Variants in DPH6 observed in about 807,000 individuals in gnomAD.
DPH6 encodes diphthine--ammonia ligase.
DPH6 carries 33 observed loss-of-function variants against 38.2 expected under a neutral mutation model. The observed-to-expected ratio is 0.86, with a 90% CI of 0.65 to 1.15. DPH6 has a LOEUF of 1.15. Among genes scored for constraint, DPH6 ranks in the 50% most tolerant of loss-of-function variants. The pLI, the probability that DPH6 is intolerant of heterozygous loss-of-function variation, is 0.00. For missense variants in DPH6, 325 were observed against 320.0 expected (o/e 1.02, Z -0.12); for synonymous variants, 108 against 103.0 (o/e 1.05, Z -0.30).
chr15:35,399,097 C>T (rs57701775), intron 6 of DPH6, among the ~76,000 whole-genome samples: 3,694 of 152,184 alleles, frequency 0.024, 69 homozygotes, highest in African/African-American at 0.051. Flanking sequence ...TACAAGAAAT[C>T]TGAGGAACAT....
At chr15:35,380,358 T>C (rs1365649991) in intron 7 of DPH6, among the ~76,000 whole-genome samples, 2 of 152,178 alleles carry the variant, frequency 1.3e-5, no homozygotes, top group Admixed American at 6.5e-5. Flanking sequence ...AATGAGGAGG[T>C]TGAAAAGGAT....
chr15:35,359,507 G>C (rs2052595598), intron 3 of DPH6, among the ~76,000 whole-genome samples: 1 of 152,180 alleles, frequency 6.6e-6, no homozygotes, highest in Non-Finnish European at 1.5e-5. Flanking sequence ...TGCCAGGCAG[G>C]AATGGCCTGC....
At chr15:35,387,109 C>T (rs1327117869) in intron 6 of DPH6, among the ~76,000 whole-genome samples, 2 of 152,160 alleles carry the variant, frequency 1.3e-5, no homozygotes, top group African/African-American at 2.4e-5. Flanking sequence ...ATCCTTTCCC[C>T]ATTGCTTGTT....
chr15:35,435,190 G>C (rs902675874), intron 5 of DPH6, among the ~76,000 whole-genome samples: 1 of 152,102 alleles, frequency 6.6e-6, no homozygotes, highest in African/African-American at 2.4e-5. Context: ...ATACACCTGG[G>C]TGCTGCATAA....
intron 3 of DPH6, among the ~76,000 whole-genome samples, chr15:35,338,930 G>A (rs1482380917): frequency 6.6e-6 from 1 of 151,940 alleles, no homozygotes. Context: ...ACTATCACAA[G>A]GACAAAAAAC....
At chr15:35,542,965 T>TATATATATATATATATATATATATAAAA (rs58422347) in intron 1 of DPH6, among the ~76,000 whole-genome samples, 4 of 76,170 alleles carry the variant, frequency 5.3e-5, no homozygotes, top group Non-Finnish European at 7.8e-5. Flanking sequence ...TATATATATA[T>TATATATATATATATATATATATATAAAA]AAAATAATTT....
the DPH6 span, among the ~76,000 whole-genome samples, chr15:35,161,147 A>T: frequency 3.5e-4 from 53 of 151,934 alleles, no homozygotes; most frequent in Middle Eastern, 3.4e-3. Context: ...TAATAATAAT[A>T]AAAAAAACAC....
intron 3 of DPH6, among the ~76,000 whole-genome samples, chr15:35,316,956 C>A (rs1464796168): frequency 6.6e-6 from 1 of 152,092 alleles, no homozygotes; most frequent in Non-Finnish European, 1.5e-5. Context: ...GAATTTTATA[C>A]CCAGCAAAAA....
the DPH6 span, among the ~76,000 whole-genome samples, chr15:35,159,185 G>T: frequency 6.6e-6 from 1 of 151,972 alleles, no homozygotes; most frequent in African/African-American, 2.4e-5. Flanking sequence ...AATCAGAAAA[G>T]AATTACTTTA....
At chr15:35,436,823 C>A (rs930265927) in intron 5 of DPH6, among the ~76,000 whole-genome samples, 1 of 150,920 alleles carries the variant, frequency 6.6e-6, no homozygotes, top group East Asian at 1.9e-4. Flanking sequence ...TTTTCTCCCC[C>A]TTTTAGAGGA....
the DPH6 span, among the ~76,000 whole-genome samples, chr15:35,146,306 G>T: frequency 6.6e-6 from 1 of 152,112 alleles, no homozygotes; most frequent in Non-Finnish European, 1.5e-5. Flanking sequence ...ACCACAGAAT[G>T]TATTTTAAAA....
At chr15:35,297,591 TG>T (rs2140795848) in intron 3 of DPH6, among the ~76,000 whole-genome samples, 1 of 152,250 alleles carries the variant, frequency 6.6e-6, no homozygotes, top group East Asian at 1.9e-4. Flanking sequence ...CTATAGGACT[TG>T]ATCTCTCTCC....
chr15:35,330,014 G>A (rs1027167622), downstream of DPH6, among the ~76,000 whole-genome samples: 3 of 152,048 alleles, frequency 2.0e-5, no homozygotes, highest in Admixed American at 6.6e-5. Context: ...AAATACTAGA[G>A]AATTTTTGCA....
At chr15:35,400,536 A>C (rs1416987330) in intron 6 of DPH6, among the ~76,000 whole-genome samples, 2 of 152,218 alleles carry the variant, frequency 1.3e-5, no homozygotes, top group Non-Finnish European at 2.9e-5. Flanking sequence ...GGTAAATATC[A>C]AAAACAACAT....
chr15:35,405,967 A>C (rs2053286841), intron 6 of DPH6, among the ~76,000 whole-genome samples: 1 of 152,028 alleles, frequency 6.6e-6, no homozygotes, highest in Non-Finnish European at 1.5e-5. Context: ...GCTTGGTGTC[A>C]CTGGAAGACT....
intron 3 of DPH6, among the ~76,000 whole-genome samples, chr15:35,233,076 G>A (rs1241538112): frequency 3.9e-5 from 6 of 152,144 alleles, no homozygotes; most frequent in African/African-American, 9.7e-5. Context: ...GGGAGGCTGC[G>A]GTGGGGGGAT....
chr15:35,352,397 A>G lies in DPH6; in HGVS notation n.207+21124T>C, dbSNP rs909231481. On this transcript the variant is annotated intron_variant and non_coding_transcript_variant, in intron 3 of 3. Coordinates refer to the DPH6 transcript ENST00000558973. ...TGCACCCATTAACTCGACCTTTAAC[A>G]TTAGGTATATCTCCTAATGCTATCC... Among the ~76,000 whole-genome samples, 6 of 152,182 alleles carry G rather than the reference A, an allele frequency of 3.9e-5. No individual in the cohort carries two copies. In the South Asian group the frequency reaches 1.0e-3, roughly 26 times the overall value.
intron 3 of DPH6, among the ~76,000 whole-genome samples, chr15:35,276,237 T>C (rs1566857325): frequency 6.6e-6 from 1 of 152,246 alleles, no homozygotes; most frequent in Non-Finnish European, 1.5e-5. Context: ...TATCTTCTTT[T>C]GAGAACTGTC....
chr15:35,462,522 G>A (rs572853761), intron 3 of DPH6, among the ~76,000 whole-genome samples: 11 of 152,190 alleles, frequency 7.2e-5, no homozygotes, highest in Non-Finnish European at 1.2e-4. Context: ...TCCACCTCAA[G>A]GTCTCTGGGC....
Sources: allele counts gnomAD v4.1 joint callset (sites outside exome capture counted in the v4.1 genomes callset), GRCh38; gene constraint gnomAD v4.1.1; transcripts MANE v1.5; gene names NCBI Gene and HGNC (gene_info 2026-07-23, HGNC 2026-07-21).